Variants in FOXP4 observed in about 807,000 individuals in gnomAD.
FOXP4 encodes the protein forkhead box P4.
Under a neutral mutation model 82.6 loss-of-function variants are expected in FOXP4, and 25 were observed. The ratio of observed to expected loss-of-function variants is 0.30; its 90% CI spans 0.22 to 0.42. FOXP4 has a LOEUF of 0.42. FOXP4 is among the 10% of genes least tolerant of loss of function. The probability of loss-of-function intolerance (pLI) is 1.00; values close to 1 mark genes in which losing one functional copy is unlikely to be tolerated. For missense variants in FOXP4, 785 were observed against 900.9 expected (o/e 0.87, Z 1.65); for synonymous variants, 415 against 388.2 (o/e 1.07, Z -0.81).
At chr6:41,572,842 C>T (rs1253846829) in intron 2 of FOXP4, among the ~76,000 whole-genome samples, 2 of 152,196 alleles carry the variant, frequency 1.3e-5, no homozygotes, top group African/African-American at 4.8e-5. Context: ...AGGTCTGGTA[C>T]ATTCAGGTTC....
chr6:41,595,025 G>T, intron 14 of FOXP4, 34 bp downstream of exon 14: 1 of 1,612,774 alleles, frequency 6.2e-7, no homozygotes, highest in South Asian at 1.1e-5. Context: ...GGCTGTACCT[G>T]CCCAGGGGGC....
Position 41,585,427 on chromosome 6 carries a change from C to T in FOXP4, c.424-4C>T, listed in dbSNP as rs759986625. 1.9e-6 allele frequency: 3 copies of T among 1,613,554 alleles called. No homozygotes were observed. Among genetic ancestry groups the T allele is most frequent in the South Asian group, 1.1e-5 (1 of 91,002 alleles). On this transcript the variant is annotated splice_polypyrimidine_tract_variant and splice_region_variant and intron_variant, in intron 4 of 16. Coordinates refer to ENST00000307972, the MANE Select transcript of FOXP4 (RefSeq NM_001012426.2). ...CCAGTGGTAACCCTCCTCCACCCCCCCAGCTACAGGAGTACTACAAGAAGC... is the reference window on the plus strand; with the variant it reads ...CCAGTGGTAACCCTCCTCCACCCCCTCAGCTACAGGAGTACTACAAGAAGC...
rs1334543448 is a variant in FOXP4 at position 41,593,522 on chromosome 6, G to A, written c.1537-1348G>A. On this transcript the variant is annotated intron_variant, in intron 13 of 16. Transcript: ENST00000307972. The surrounding 1 kb of genome is among the most constrained non-coding windows in gnomAD (Gnocchi z 4.1). ...GCGTAACGAATTAGTCTCTCATCAC[G>A]AATCAGGCTTCGAAATGAGGGAAAA... 6.6e-6 allele frequency among the ~76,000 whole-genome samples: 1 copy of A among 152,138 alleles called. No individual in the cohort carries two copies. Among genetic ancestry groups the A allele is most frequent in the Non-Finnish European group, 1.5e-5 (1 of 68,030 alleles).
chr6:41,561,576 G>A (rs1001391416), intron 1 of FOXP4, among the ~76,000 whole-genome samples: 1 of 152,140 alleles, frequency 6.6e-6, no homozygotes. Flanking sequence ...GTGGCTGGGG[G>A]AGGAGCATGG....
chr6:41,587,895 C>G lies in FOXP4; in HGVS notation c.975C>G (p.Ile325Met). The stretch of plus-strand genomic sequence containing the variant: ...TGTGTGAAGACCTGGGCCAGTTTAT[C>G]AAGTAGGTGTCACCCCCAGCCCCTC... ...ETLCEDLGQF[I>M]KHLNTEHALD... The change falls in exon 8 of 17, where the codon ATC (isoleucine) becomes ATG (methionine). Residue 325 changes from isoleucine to methionine, a missense_variant and splice_region_variant. Ile to Met is a conservative substitution (Grantham distance 10). Around this residue, in one of 3 missense-constraint regions of FOXP4, gnomAD observed 570 missense variants for 634.0 expected, o/e 0.90. Transcript: ENST00000307972. 6.5e-7 allele frequency: 1 copy of G among 1,547,718 alleles called. No homozygotes were observed. Among genetic ancestry groups the G allele is most frequent in the South Asian group, 1.2e-5 (1 of 84,200 alleles).
chr6:41,577,507 G>A (rs915182252), intron 2 of FOXP4, among the ~76,000 whole-genome samples: 16 of 152,114 alleles, frequency 1.1e-4, no homozygotes, highest in African/African-American at 3.9e-4. Context: ...ATGATCCTGG[G>A]TAAGTTACTT....
chr6:41,549,886 C>T (rs1239983255), intron 1 of FOXP4, among the ~76,000 whole-genome samples: 1 of 152,144 alleles, frequency 6.6e-6, no homozygotes, highest in African/African-American at 2.4e-5. Flanking sequence ...CCTGTCTCTC[C>T]AGCCACAGTG....
In FOXP4 at chr6:41,593,660, T is replaced by C. The variant is rs1173401038; in HGVS notation, c.1537-1210T>C. 6.6e-6 allele frequency among the ~76,000 whole-genome samples: 1 copy of C among 152,190 alleles called. No individual in the cohort carries two copies. The highest frequency in any genetic ancestry group is 1.5e-5 in the Non-Finnish European group (1 of 68,034). ...TCCGAGGCAGGAGCCCCGGCGTGAT[T>C]AGGCCCTTTGTAATTATCGCTCCAA... On this transcript the variant is annotated intron_variant, in intron 13 of 16. Transcript: ENST00000307972. This position sits in a 1 kb window ranked among gnomAD's most constrained non-coding sequence, Gnocchi z 4.1.
At chr6:41,589,748 T>A (rs755948723) in intron 9 of FOXP4, 23 bp from the exon 10 acceptor site, 6 of 1,608,248 alleles carry the variant, frequency 3.7e-6, no homozygotes, top group Non-Finnish European at 4.2e-6. Context: ...CCCGCTCACC[T>A]CCTGCTTTGC....
At chr6:41,568,800 T>C (rs1195461838) in intron 2 of FOXP4, among the ~76,000 whole-genome samples, 1 of 151,984 alleles carries the variant, frequency 6.6e-6, no homozygotes, top group East Asian at 1.9e-4. Context: ...GAGTAATGAG[T>C]TGACAGAGAG....
At chr6:41,552,712 GC>G (rs1764069646) in intron 1 of FOXP4, among the ~76,000 whole-genome samples, 1 of 152,114 alleles carries the variant, frequency 6.6e-6, no homozygotes, top group African/African-American at 2.4e-5. Context: ...GCTAGCTCGG[GC>G]CGGCAGCTGG....
At chr6:41,560,946 C>T (rs188040478) in intron 1 of FOXP4, among the ~76,000 whole-genome samples, 19 of 152,324 alleles carry the variant, frequency 1.2e-4, no homozygotes, top group Admixed American at 5.9e-4. Flanking sequence ...CGTGGGTCCC[C>T]CCTTTGGCCC....
In FOXP4 at chr6:41,587,450, C is replaced by T. The variant is rs1259882373; in HGVS notation, c.810C>T (p.Pro270=). 6.4e-7 allele frequency: 1 copy of T among 1,558,110 alleles called. No individual in the cohort carries two copies. Among genetic ancestry groups the T allele is most frequent in the Non-Finnish European group, 8.7e-7 (1 of 1,151,680 alleles). Residue 270 remains proline (P), a synonymous_variant, in exon 7 of 17, where the codon CCC becomes CCT. Transcript: ENST00000307972. The stretch of plus-strand genomic sequence containing the variant: ...TTGCCGCTCCCCCCAAGGTCTCACC[C>T]CCCCTCTCCCACCATACCCTGCCCA... ...TSFAAPPKVS[P]PLSHHTLPNG... is the part of the protein sequence containing the mutation.
rs936746186 is a variant in FOXP4 at position 41,599,131 on chromosome 6, C to A, written c.*195C>A. On this transcript the variant is annotated 3_prime_UTR_variant, in exon 17 of 17. Transcript: ENST00000307972. The stretch of plus-strand genomic sequence containing the variant: ...CAGGGACGGTCCCCACCCCCAGGGA[C>A]ACAACCCCTGGTCTTGGACCAGTAG... 127 of 683,702 alleles carry A rather than the reference C, an allele frequency of 1.9e-4. No individual in the cohort carries two copies. Among genetic ancestry groups the A allele is most frequent in the Non-Finnish European group, 2.6e-4 (109 of 420,318 alleles). The allele number at this position is 683,702 out of a possible 1,614,324, so 42.4% of individuals were successfully genotyped here.
chr6:41,588,755 A>T, intron 9 of FOXP4, 24 bp downstream of exon 9: 1 of 1,612,026 alleles, frequency 6.2e-7, no homozygotes, highest in Non-Finnish European at 8.5e-7. Flanking sequence ...GATGCTGGGG[A>T]GGGACATGGT....
At chr6:41,563,319 G>A (rs1441466365) in intron 1 of FOXP4, among the ~76,000 whole-genome samples, 1 of 152,200 alleles carries the variant, frequency 6.6e-6, no homozygotes, top group Non-Finnish European at 1.5e-5. Flanking sequence ...GAGTGAGGGA[G>A]AAGAGTTCTT....
chr6:41,557,391 G>A (rs1306478957), intron 1 of FOXP4, among the ~76,000 whole-genome samples: 1 of 152,206 alleles, frequency 6.6e-6, no homozygotes, highest in Non-Finnish European at 1.5e-5. Flanking sequence ...TTCTAAACAT[G>A]TATCCTATGC....
At chr6:41,578,110 G>GGGTTGGGCTGGAGA (rs1340003159) in intron 3 of FOXP4, 29 bp downstream of exon 3, 1 of 1,593,582 alleles carries the variant, frequency 6.3e-7, no homozygotes. Flanking sequence ...CGCTGGCTCT[G>GGGTTGGGCTGGAGA]GGTTGGGCTG....
chr6:41,581,379 C>T (rs868122878), intron 3 of FOXP4, among the ~76,000 whole-genome samples: 8 of 152,206 alleles, frequency 5.3e-5, no homozygotes, highest in Admixed American at 2.0e-4. Context: ...ACCGTCCAGC[C>T]GAGCACGCTG....
Sources: allele counts gnomAD v4.1 joint callset (sites outside exome capture counted in the v4.1 genomes callset), GRCh38; gene constraint gnomAD v4.1.1; regional missense constraint gnomAD v4.1.1; non-coding constraint Gnocchi (gnomAD v3.1); transcripts MANE v1.5; gene names NCBI Gene and HGNC (gene_info 2026-07-23, HGNC 2026-07-21).